Variants in MYO16 observed in about 807,000 individuals in gnomAD.
The protein encoded by MYO16 is myosin XVI.
In MYO16, 94 loss-of-function variants were observed where a neutral mutation model predicts 205.3. The observed-to-expected ratio is 0.46, with a 90% CI of 0.39 to 0.54. The LOEUF (loss-of-function observed/expected upper bound fraction) is 0.54, where lower values mean the gene tolerates loss of function less well. MYO16 is among the 20% of genes least tolerant of loss of function. MYO16 has a pLI of 0.00. For missense variants in MYO16, 2,315 were observed against 2,387.5 expected (o/e 0.97, Z 0.63); for synonymous variants, 988 against 954.0 (o/e 1.04, Z -0.66).
At chr13:108,656,421 C>T (rs1227560381) in intron 1 of MYO16, among the ~76,000 whole-genome samples, 1 of 152,230 alleles carries the variant, frequency 6.6e-6, no homozygotes, top group East Asian at 1.9e-4. Context: ...TCTTCTCAGT[C>T]TTGTGTATGT....
At chr13:108,767,508 A>G (rs1157473412) in intron 4 of MYO16, among the ~76,000 whole-genome samples, 1 of 152,026 alleles carries the variant, frequency 6.6e-6, no homozygotes, top group African/African-American at 2.4e-5. Flanking sequence ...GCATTTTGTT[A>G]TTTGTTCTGG....
At chr13:108,802,951 G>A (rs1887010643) in intron 6 of MYO16, among the ~76,000 whole-genome samples, 1 of 152,012 alleles carries the variant, frequency 6.6e-6, no homozygotes, top group Admixed American at 6.6e-5. Flanking sequence ...TGTTTGAGGG[G>A]CCTACTTTTA....
At chr13:109,009,469 A>G (rs1885517826) in intron 22 of MYO16, among the ~76,000 whole-genome samples, 1 of 152,116 alleles carries the variant, frequency 6.6e-6, no homozygotes. Context: ...CTGGCAGGAA[A>G]AACATATAAA....
At chr13:108,947,006 G>A (rs112851141) in intron 16 of MYO16, among the ~76,000 whole-genome samples, 72 of 152,270 alleles carry the variant, frequency 4.7e-4, no homozygotes, top group East Asian at 9.7e-4. Flanking sequence ...TACATTCAGC[G>A]CGATGTTGTT....
intron 4 of MYO16, among the ~76,000 whole-genome samples, chr13:108,756,136 G>A (rs1195354940): frequency 6.6e-6 from 1 of 152,068 alleles, no homozygotes; most frequent in Admixed American, 6.6e-5. Flanking sequence ...TAGCATATGA[G>A]TTAATTTATT....
At chr13:108,534,283 C>A in the MYO16 span, among the ~76,000 whole-genome samples, 1 of 152,280 alleles carries the variant, frequency 6.6e-6, no homozygotes, top group African/African-American at 2.4e-5. Flanking sequence ...CTTGGACCAC[C>A]ATTTCTACAT....
intron 32 of MYO16, among the ~76,000 whole-genome samples, chr13:109,156,094 G>A (rs1355183243): frequency 2.0e-5 from 3 of 152,114 alleles, no homozygotes; most frequent in Admixed American, 2.0e-4. Flanking sequence ...AGTAATACAG[G>A]GTTTCAGAGA....
At chr13:109,133,988 A>C (rs1414143370) in intron 31 of MYO16, among the ~76,000 whole-genome samples, 1 of 152,216 alleles carries the variant, frequency 6.6e-6, no homozygotes, top group Non-Finnish European at 1.5e-5. Flanking sequence ...CACTCTAGTC[A>C]TCTGATGTTA....
intron 13 of MYO16, among the ~76,000 whole-genome samples, chr13:108,886,740 C>T (rs927117819): frequency 2.0e-5 from 3 of 151,978 alleles, no homozygotes; most frequent in Non-Finnish European, 2.9e-5. Flanking sequence ...CGGCACAAAA[C>T]ATCTGACGTA....
At chr13:108,602,073 C>G (rs1325110415) in intron 1 of MYO16, among the ~76,000 whole-genome samples, 1 of 143,962 alleles carries the variant, frequency 6.9e-6, no homozygotes, top group African/African-American at 2.6e-5. Context: ...AGTTTTCTCT[C>G]TCTCTCATTG....
chr13:108,809,191 G>A (rs1026492451), intron 7 of MYO16, among the ~76,000 whole-genome samples: 3 of 152,224 alleles, frequency 2.0e-5, no homozygotes, highest in African/African-American at 4.8e-5. Flanking sequence ...TCATTTATTC[G>A]TGATAAGTCA....
In MYO16 at chr13:109,141,211, G is replaced by A. The variant is rs906428729; in HGVS notation, c.4999G>A (p.Ala1667Thr). The A allele has an allele frequency of 1.2e-6, 2 of 1,607,024 alleles. No homozygotes were observed. Among genetic ancestry groups the A allele is most frequent in the Non-Finnish European group, 1.7e-6 (2 of 1,176,664 alleles). Residue 1667 changes from alanine to threonine, a missense_variant, in exon 32 of 35, where the codon GCG becomes ACG. Physicochemically the swap from Ala to Thr is moderately conservative, Grantham distance 58. This residue lies in a region of MYO16 where 1,097 missense variants were observed against 1,092.0 expected (regional missense o/e 1.00). Coordinates refer to ENST00000457511, the MANE Select transcript of MYO16 (RefSeq NM_001198950.3). The surrounding 1 kb of genome is among the most constrained non-coding windows in gnomAD (Gnocchi z 4.1). Reference protein sequence around the residue: ...IPYSPVKATRADARKAGSSAS... With the variant: ...IPYSPVKATRTDARKAGSSAS... ...ATATTCCCCCGTGAAGGCCACCAGG[G>A]CGGACGCCAGGAAGGCCGGCTCCAG...
In MYO16 at chr13:108,922,951, C is replaced by T. The variant is rs1329281938; in HGVS notation, c.1925+12801C>T. Among the ~76,000 whole-genome samples, 4 of 152,184 alleles carry T rather than the reference C, an allele frequency of 2.6e-5. No individual in the cohort carries two copies. In the East Asian group the frequency reaches 7.7e-4, roughly 29 times the overall value. On this transcript the variant is annotated intron_variant, in intron 16 of 34. Transcript: ENST00000457511. ...CCCAGTCTAGAAGCAGGTTGCTCCCCTTGCTACTCATGAAAAAGCAAACAC... is the reference window on the plus strand; with the variant it reads ...CCCAGTCTAGAAGCAGGTTGCTCCCTTTGCTACTCATGAAAAAGCAAACAC...
intron 28 of MYO16, among the ~76,000 whole-genome samples, chr13:109,110,891 G>A (rs575977555): frequency 1.3e-5 from 2 of 152,250 alleles, no homozygotes; most frequent in South Asian, 4.2e-4. Context: ...ACTCATCCTT[G>A]TGGTCCCAGC....
At chr13:108,736,098 C>T (rs188175010) in intron 4 of MYO16, among the ~76,000 whole-genome samples, 1,911 of 152,018 alleles carry the variant, frequency 0.013, 34 homozygotes, top group African/African-American at 0.043. Context: ...GTAGGTTGCC[C>T]GTTCACTCTG....
chr13:109,055,231 C>CA lies in MYO16; in HGVS notation c.3129+112dup. On this transcript the variant is annotated intron_variant, in intron 26 of 34. Transcript: ENST00000457511. The surrounding 1 kb of genome is among the most constrained non-coding windows in gnomAD (Gnocchi z 5.0). ...ATTTTTGACAACTTAAATATCTTCA[C>CA]AAAAAAAGTAAACATACACACACAC... is the stretch of plus-strand genomic sequence containing the variant. 2 of 1,029,808 alleles carry CA rather than the reference C, an allele frequency of 1.9e-6. No individual in the cohort carries two copies. The highest frequency in any genetic ancestry group is 2.8e-6 in the Non-Finnish European group (2 of 720,718). The allele number at this position is 1,029,808 out of a possible 1,614,324, so 63.8% of individuals were successfully genotyped here. A position where few individuals can be genotyped will look rare whatever the true frequency, so the allele number is the denominator to read the frequency against.
At chr13:108,815,009 AC>A (rs1295579370) in intron 7 of MYO16, among the ~76,000 whole-genome samples, 6 of 152,208 alleles carry the variant, frequency 3.9e-5, no homozygotes, top group Non-Finnish European at 7.3e-5. Flanking sequence ...TCTCCAAAAA[AC>A]TTTAAAAATT....
the MYO16 span, among the ~76,000 whole-genome samples, chr13:108,555,070 A>G: frequency 6.6e-6 from 1 of 152,114 alleles, no homozygotes; most frequent in African/African-American, 2.4e-5. Flanking sequence ...CTAGTCTCAA[A>G]AGAGAATTAT....
intron 23 of MYO16, among the ~76,000 whole-genome samples, chr13:109,029,044 G>T (rs1244830969): frequency 6.6e-6 from 1 of 150,580 alleles, no homozygotes; most frequent in Admixed American, 6.6e-5. Flanking sequence ...ATGCTGCAAT[G>T]CTGCAGTCGA....
Sources: gnomAD v4.1 joint callset for allele counts (sites outside exome capture counted in the v4.1 genomes callset) on GRCh38, gnomAD v4.1.1 for gene constraint, gnomAD v4.1.1 regional missense constraint, Gnocchi (gnomAD v3.1) non-coding constraint, MANE v1.5 for transcripts, NCBI Gene and HGNC (gene_info 2026-07-23, HGNC 2026-07-21) for gene names.